The following ERCC6L2 variants were observed in gnomAD, a reference collection of about 807,000 sequenced individuals.
ERCC6L2 encodes DNA excision repair protein ERCC-6-like 2.
A neutral mutation model predicts 132.0 loss-of-function variants in ERCC6L2; 77 were observed. The ratio of observed to expected loss-of-function variants is 0.58; its 90% CI spans 0.49 to 0.71. The LOEUF is 0.71. ERCC6L2 is among the 30% of genes least tolerant of loss of function. The pLI, the probability that ERCC6L2 is intolerant of heterozygous loss-of-function variation, is 0.00. For synonymous variants in ERCC6L2, 583 were observed against 632.4 expected, an observed-to-expected ratio of 0.92 and a Z score of 1.17; for missense variants, 1,542 against 1,837.6, an observed-to-expected ratio of 0.84 and a Z score of 2.94.
chr9:95,942,668 T>G (rs1830860518), intron 12 of ERCC6L2, among the ~76,000 whole-genome samples: 1 of 152,026 alleles, frequency 6.6e-6, no homozygotes, highest in Non-Finnish European at 1.5e-5. Flanking sequence ...AAAGAGAAAT[T>G]GAGGAAAAAT....
At chr9:96,031,497 A>G (rs1352668486) in intron 19 of ERCC6L2, among the ~76,000 whole-genome samples, 2 of 152,196 alleles carry the variant, frequency 1.3e-5, no homozygotes, top group African/African-American at 2.4e-5. Flanking sequence ...TCCCTTTCCC[A>G]ACAAGCAAAG....
At chr9:95,974,051 T>C (rs1438800287) in intron 16 of ERCC6L2, among the ~76,000 whole-genome samples, 1 of 152,216 alleles carries the variant, frequency 6.6e-6, no homozygotes, top group Non-Finnish European at 1.5e-5. Context: ...TATAAGTTAG[T>C]GTTTAACAAG....
rs1363528317 is a variant in ERCC6L2 at position 96,014,623 on chromosome 9, G to A, written c.*1420G>A. Reference sequence around the variant, plus strand: ...CTCTTCTAGGATTGTGTTTGGTAGGGCAGTGGGTTTGTGTGTGTGTTAATC... The same window carrying A: ...CTCTTCTAGGATTGTGTTTGGTAGGACAGTGGGTTTGTGTGTGTGTTAATC... On this transcript the variant is annotated 3_prime_UTR_variant, in exon 19 of 19. Transcript: ENST00000653738. 6.6e-6 allele frequency: 1 copy of A among 152,216 alleles called. No individual in the cohort carries two copies. Among genetic ancestry groups the A allele is most frequent in the Non-Finnish European group, 1.5e-5 (1 of 68,048 alleles). 9.4% of individuals were successfully genotyped at this position (152,216 alleles called of 1,614,324 possible).
At chr9:95,943,136 C>T (rs191762160) in intron 12 of ERCC6L2, among the ~76,000 whole-genome samples, 3 of 152,102 alleles carry the variant, frequency 2.0e-5, no homozygotes, top group Admixed American at 6.6e-5. Context: ...TAAAAAATTA[C>T]TGGGAGTGTG....
At chr9:95,925,277 C>A (rs535534103) in intron 9 of ERCC6L2, among the ~76,000 whole-genome samples, 2 of 152,280 alleles carry the variant, frequency 1.3e-5, no homozygotes, top group East Asian at 1.9e-4. Flanking sequence ...TGAAAATCTT[C>A]ACTTTTCTTT....
At chr9:96,009,257 G>A (rs1833954899) in intron 18 of ERCC6L2, among the ~76,000 whole-genome samples, 1 of 152,240 alleles carries the variant, frequency 6.6e-6, no homozygotes, top group African/African-American at 2.4e-5. Flanking sequence ...ATGTTCAAGT[G>A]TTTCAATCAC....
At chr9:95,897,750 G>T in intron 2 of ERCC6L2, 99 bp from the exon 3 acceptor site, 2 of 1,212,378 alleles carry the variant, frequency 1.6e-6, no homozygotes, top group Admixed American at 2.2e-5. Flanking sequence ...AAATCTCTTT[G>T]TACATACTTT....
At chr9:96,023,872 G>A (rs1834327950) in intron 19 of ERCC6L2, among the ~76,000 whole-genome samples, 1 of 152,208 alleles carries the variant, frequency 6.6e-6, no homozygotes, top group South Asian at 2.1e-4. Flanking sequence ...TGGAACCGAG[G>A]ATTGCAGTAA....
chr9:96,027,130 CACA>C (rs1834387798), intron 19 of ERCC6L2, among the ~76,000 whole-genome samples: 1 of 150,098 alleles, frequency 6.7e-6, no homozygotes, highest in Non-Finnish European at 1.5e-5. Flanking sequence ...ACACACCACA[CACA>C]ACACACTACA....
chr9:96,016,030 C>G lies in ERCC6L2; in HGVS notation c.*2827C>G, dbSNP rs1180590709. Among the ~76,000 whole-genome samples, 1 of 152,092 alleles carries G rather than the reference C, an allele frequency of 6.6e-6. No homozygotes were observed. Among genetic ancestry groups the G allele is most frequent in the Non-Finnish European group, 1.5e-5 (1 of 68,016 alleles). On this transcript the variant is annotated 3_prime_UTR_variant, in exon 19 of 19. Coordinates refer to ENST00000653738, the MANE Select transcript of ERCC6L2 (RefSeq NM_020207.7). ...GAGTGATGGAAAGATTTGGTACAAC[C>G]ATTGATGACCTGAGAACAGACACTA...
At chr9:95,963,443 C>T (rs904947392) in intron 13 of ERCC6L2, among the ~76,000 whole-genome samples, 3 of 152,102 alleles carry the variant, frequency 2.0e-5, no homozygotes, top group African/African-American at 4.8e-5. Context: ...AAGAAGTACA[C>T]TCCTACTTAA....
Position 95,962,123 on chromosome 9 carries a change from C to G in ERCC6L2, c.1948-4439C>G, listed in dbSNP as rs536439266. ...TAGGCATTTCACTGAATTAAAAATG[C>G]AAGTGGTTAACACATGTGAAAAAAT... On this transcript the variant is annotated intron_variant, in intron 13 of 18. Coordinates refer to ENST00000653738, the MANE Select transcript of ERCC6L2 (RefSeq NM_020207.7). Among the ~76,000 whole-genome samples, 29 of 152,222 alleles carry G rather than the reference C, an allele frequency of 1.9e-4. No individual in the cohort carries two copies. In the South Asian group the frequency reaches 5.4e-3, roughly 28 times the overall value.
At chr9:95,933,489 AAATT>A (rs955704716) in intron 11 of ERCC6L2, among the ~76,000 whole-genome samples, 1 of 152,154 alleles carries the variant, frequency 6.6e-6, no homozygotes, top group Non-Finnish European at 1.5e-5. Context: ...GACCTTGAAC[AAATT>A]AATTTTTGTG....
At chr9:96,023,805 A>G (rs1834326866) in intron 19 of ERCC6L2, among the ~76,000 whole-genome samples, 1 of 152,314 alleles carries the variant, frequency 6.6e-6, no homozygotes, top group East Asian at 1.9e-4. Context: ...ATGATCTGAA[A>G]TATACAGGGC....
chr9:96,018,041 A>T lies in ERCC6L2; in HGVS notation c.*4838A>T, dbSNP rs1834218241. The stretch of plus-strand genomic sequence containing the variant: ...TATATAAAGTACCTAGATTAGTCAG[A>T]TTCATAGAGACAAAGTAGAATGGTG... On this transcript the variant is annotated 3_prime_UTR_variant, in exon 19 of 19. Coordinates refer to ENST00000653738, the MANE Select transcript of ERCC6L2 (RefSeq NM_020207.7). Among the ~76,000 whole-genome samples, 1 of 152,202 alleles carries T rather than the reference A, an allele frequency of 6.6e-6. No individual in the cohort carries two copies. The highest frequency in any genetic ancestry group is 2.4e-5 in the African/African-American group (1 of 41,452).
intron 11 of ERCC6L2, among the ~76,000 whole-genome samples, chr9:95,940,340 G>GAT (rs146598620): frequency 0.022 from 3,263 of 151,574 alleles, 112 homozygotes; most frequent in African/African-American, 0.071. Context: ...CTTTTCTTGG[G>GAT]ATATATATAT....
chr9:95,974,118 T>C (rs1044162983), intron 16 of ERCC6L2, among the ~76,000 whole-genome samples: 1 of 152,204 alleles, frequency 6.6e-6, no homozygotes, highest in East Asian at 1.9e-4. Flanking sequence ...CAGCCATTGA[T>C]ACTTAATACC....
intron 18 of ERCC6L2, among the ~76,000 whole-genome samples, chr9:96,011,817 T>G (rs1287600367): frequency 6.6e-6 from 1 of 152,230 alleles, no homozygotes; most frequent in Non-Finnish European, 1.5e-5. Flanking sequence ...ATTTGCTCTT[T>G]TCGTTAAGAT....
At chr9:95,948,586 C>T (rs1276502157) in intron 12 of ERCC6L2, among the ~76,000 whole-genome samples, 1 of 152,034 alleles carries the variant, frequency 6.6e-6, no homozygotes, top group Non-Finnish European at 1.5e-5. Context: ...GTGGAGGCTG[C>T]AGTTAGCCAA....
Sources: gnomAD v4.1 joint callset for allele counts (sites outside exome capture counted in the v4.1 genomes callset) on GRCh38, gnomAD v4.1.1 for gene constraint, MANE v1.5 for transcripts, NCBI Gene and HGNC (gene_info 2026-07-23, HGNC 2026-07-21) for gene names.